The following TENM4 variants were observed in gnomAD, a reference collection of about 807,000 sequenced individuals.
TENM4 encodes the protein teneurin transmembrane protein 4, also known as teneurin-4.
A neutral mutation model predicts 243.3 loss-of-function variants in TENM4; 82 were observed. The observed-to-expected ratio is 0.34, with a 90% confidence interval of 0.28 to 0.40. TENM4 has a LOEUF of 0.40. Ranked by LOEUF, TENM4 falls within the 10% of genes least tolerant of loss-of-function variation. The pLI, the probability that TENM4 is intolerant of heterozygous loss-of-function variation, is 1.00. For missense variants in TENM4, 3,138 were observed against 3,673.3 expected (o/e 0.85, Z 3.77); for synonymous variants, 1,412 against 1,456.3 (o/e 0.97, Z 0.69).
At chr11:78,793,241 C>T (rs2136054674) in intron 15 of TENM4, among the ~76,000 whole-genome samples, 1 of 152,260 alleles carries the variant, frequency 6.6e-6, no homozygotes, top group South Asian at 2.1e-4. Context: ...TGGAAAGATG[C>T]TCAAAACTGA....
chr11:78,948,060 C>T (rs1857039002), intron 6 of TENM4, among the ~76,000 whole-genome samples: 1 of 152,180 alleles, frequency 6.6e-6, no homozygotes, highest in Admixed American at 6.5e-5. Flanking sequence ...AATCTAAGTA[C>T]AGGCACTCCC....
intron 2 of TENM4, among the ~76,000 whole-genome samples, chr11:79,225,950 G>A (rs546636351): frequency 1.6e-4 from 24 of 152,252 alleles, no homozygotes; most frequent in East Asian, 1.9e-4. Flanking sequence ...GGACTAGACC[G>A]GTAGCTGATG....
chr11:79,432,643 A>G (rs79604156), intron 1 of TENM4, among the ~76,000 whole-genome samples: 14,069 of 152,232 alleles, frequency 0.092, 695 homozygotes, highest in Non-Finnish European at 0.11. Flanking sequence ...TATTTAACCA[A>G]CTTGAACAAA....
intron 1 of TENM4, among the ~76,000 whole-genome samples, chr11:79,370,397 T>C (rs1315159416): frequency 6.6e-6 from 1 of 152,234 alleles, no homozygotes; most frequent in Admixed American, 6.5e-5. Context: ...TCTCAAGCCG[T>C]TGTGGTGGCA....
At chr11:79,152,464 G>A (rs778947184) in intron 3 of TENM4, among the ~76,000 whole-genome samples, 5 of 152,198 alleles carry the variant, frequency 3.3e-5, no homozygotes, top group Admixed American at 6.5e-5. Flanking sequence ...AGGAAACTGA[G>A]TGCTTTCTGG....
chr11:79,183,973 T>A (rs1321221679), intron 3 of TENM4, among the ~76,000 whole-genome samples: 1 of 152,200 alleles, frequency 6.6e-6, no homozygotes, highest in East Asian at 1.9e-4. Flanking sequence ...TATAAAAGAA[T>A]GATCTTATGA....
chr11:79,062,285 G>A lies in TENM4; in HGVS notation c.493+2453C>T, dbSNP rs76917987. Among the ~76,000 whole-genome samples the A allele has an allele frequency of 9.1e-3, 1,389 of 152,228 alleles. 30 individuals are homozygous for A. The highest frequency in any genetic ancestry group is 0.032 in the African/African-American group (1,320 of 41,506). On this transcript the variant is annotated intron_variant, in intron 6 of 33. Transcript: ENST00000278550. The stretch of plus-strand genomic sequence containing the variant: ...CATACAACTATTAAGTATTAATGCT[G>A]TTATTATTATCATTTTCCTCTTGCA...
At chr11:79,125,222 C>T (rs1007809259) in intron 4 of TENM4, among the ~76,000 whole-genome samples, 10 of 152,026 alleles carry the variant, frequency 6.6e-5, no homozygotes, top group African/African-American at 1.9e-4. Context: ...TGACTCTATA[C>T]CTAATACTTT....
chr11:78,712,371 T>C (rs552213225), intron 26 of TENM4, 111 bp downstream of exon 26: 1 of 889,358 alleles, frequency 1.1e-6, no homozygotes, highest in Admixed American at 2.5e-5. Context: ...ATCCTCCATA[T>C]ATTTCTTGGT....
Position 79,206,644 on chromosome 11 carries a change from G to T in TENM4, c.-163+9164C>A, listed in dbSNP as rs76146114. 1.4e-3 allele frequency among the ~76,000 whole-genome samples: 219 copies of T among 152,274 alleles called. 2 individuals carry two copies. The highest frequency in any genetic ancestry group is 5.1e-3 in the African/African-American group (214 of 41,562). On this transcript the variant is annotated intron_variant, in intron 3 of 33. Transcript: ENST00000278550. Reference sequence around the variant, plus strand: ...TTTCCCATGCTATTCTCATGAATAAGTCTCATGAGATCTGATGGGTTTATC... The same window carrying T: ...TTTCCCATGCTATTCTCATGAATAATTCTCATGAGATCTGATGGGTTTATC...
At chr11:79,261,431 A>C (rs902785129) in intron 2 of TENM4, among the ~76,000 whole-genome samples, 1 of 152,144 alleles carries the variant, frequency 6.6e-6, no homozygotes, top group African/African-American at 2.4e-5. Context: ...TCCTTCAAGA[A>C]ATGCTTGCTG....
At chr11:79,262,366 C>T (rs1855813285) in intron 2 of TENM4, among the ~76,000 whole-genome samples, 1 of 152,214 alleles carries the variant, frequency 6.6e-6, no homozygotes, top group Non-Finnish European at 1.5e-5. Flanking sequence ...TCTGACACTC[C>T]AATCTGGACT....
intron 6 of TENM4, among the ~76,000 whole-genome samples, chr11:78,962,694 C>G (rs1341610800): frequency 1.3e-5 from 2 of 152,224 alleles, no homozygotes; most frequent in African/African-American, 4.8e-5. Context: ...CAAACAGCTG[C>G]CCCTCTCTGG....
intron 3 of TENM4, among the ~76,000 whole-genome samples, chr11:79,165,899 C>T (rs556176248): frequency 7.9e-5 from 12 of 152,266 alleles, no homozygotes; most frequent in African/African-American, 2.4e-4. Flanking sequence ...ATAGGGTGTC[C>T]TTTCCCCACT....
At chr11:79,343,709 T>A (rs2135464844) in intron 1 of TENM4, among the ~76,000 whole-genome samples, 1 of 152,306 alleles carries the variant, frequency 6.6e-6, no homozygotes, top group African/African-American at 2.4e-5. Flanking sequence ...TCCACTTTCT[T>A]CTCTGTGCTC....
chr11:78,820,721 TC>T (rs1429412171), intron 12 of TENM4, among the ~76,000 whole-genome samples: 2 of 152,140 alleles, frequency 1.3e-5, no homozygotes, highest in Non-Finnish European at 2.9e-5. Flanking sequence ...ACATGGAAAC[TC>T]CCCATGGTAA....
At chr11:78,684,070 T>C (rs1421189666) in intron 29 of TENM4, among the ~76,000 whole-genome samples, 2 of 152,212 alleles carry the variant, frequency 1.3e-5, no homozygotes, top group Non-Finnish European at 1.5e-5. Flanking sequence ...CCCTGTCCTG[T>C]ACACCCCTCA....
At chr11:79,240,422 T>A (rs1864567988) in intron 2 of TENM4, among the ~76,000 whole-genome samples, 1 of 152,134 alleles carries the variant, frequency 6.6e-6, no homozygotes, top group Admixed American at 6.5e-5. Flanking sequence ...TGCCAATAAA[T>A]CAAATCCATC....
intron 6 of TENM4, among the ~76,000 whole-genome samples, chr11:78,933,879 G>T (rs1856724515): frequency 1.3e-5 from 2 of 152,240 alleles, no homozygotes; most frequent in Admixed American, 1.3e-4. Flanking sequence ...TTTATAAAGA[G>T]CTCAGGGCCT....
Sources: gnomAD v4.1 joint callset for allele counts (sites outside exome capture counted in the v4.1 genomes callset) on GRCh38, gnomAD v4.1.1 for gene constraint, MANE v1.5 for transcripts, NCBI Gene and HGNC (gene_info 2026-07-23, HGNC 2026-07-21) for gene names.